GOLGA7: variants seen among roughly 807,000 people sequenced by gnomAD.
GOLGA7 encodes the protein golgin subfamily A member 7.
GOLGA7 carries 10 observed loss-of-function variants against 21.1 expected under a neutral mutation model. The observed-to-expected ratio is 0.47, with a 90% CI of 0.29 to 0.80. The LOEUF is 0.80. Among genes scored for constraint, GOLGA7 ranks in the 30% least tolerant of loss-of-function variants. GOLGA7 has a pLI of 0.08. For synonymous variants in GOLGA7, 64 were observed against 62.6 expected (o/e 1.02, Z -0.10); for missense variants, 114 against 166.8 (o/e 0.68, Z 1.74).
chr8:41,490,635 C>G lies in GOLGA7; in HGVS notation c.-220C>G. 9.3e-6 allele frequency: 5 copies of G among 535,424 alleles called. No homozygotes were observed. Among genetic ancestry groups the G allele is most frequent in the Non-Finnish European group, 1.6e-5 (5 of 303,250 alleles). The allele number at this position is 535,424 out of a possible 1,614,324, so 33.2% of individuals were successfully genotyped here. On this transcript the variant is annotated 5_prime_UTR_variant, in exon 1 of 5. Transcript: ENST00000357743. The stretch of plus-strand genomic sequence containing the variant: ...GGAGGCGGGTTTGTGTTTCCCGGGC[C>G]GAACCGGGTTGTGGGGGGCGCGGGG...
chr8:41,490,495 G>C (rs908832950), upstream of GOLGA7: 2 of 226,776 alleles, frequency 8.8e-6, no homozygotes, highest in African/African-American at 4.7e-5. Flanking sequence ...ACGGCCGGAG[G>C]AGAGGGTGGG....
chr8:41,491,166 G>A (rs1805873974), intron 1 of GOLGA7, among the ~76,000 whole-genome samples: 1 of 152,168 alleles, frequency 6.6e-6, no homozygotes, highest in African/African-American at 2.4e-5. Context: ...AATATAGGCC[G>A]ATCGCCGGGG....
intron 1 of GOLGA7, among the ~76,000 whole-genome samples, chr8:41,491,264 C>T (rs1212819468): frequency 1.3e-5 from 2 of 152,158 alleles, no homozygotes; most frequent in Non-Finnish European, 2.9e-5. Context: ...ATCCCCACCC[C>T]GGGTTATTGT....
At chr8:41,491,644 A>T (rs1163478434) in intron 1 of GOLGA7, among the ~76,000 whole-genome samples, 1 of 149,544 alleles carries the variant, frequency 6.7e-6, no homozygotes, top group Non-Finnish European at 1.5e-5. Flanking sequence ...GAAGAATGGG[A>T]TTTGCTTCCC....
At position 41,504,313 on chromosome 8, in the gene GOLGA7, A is replaced by G. The variant is rs1005304047; in HGVS notation, c.265-1598A>G. Among the ~76,000 whole-genome samples, 7 of 152,184 alleles carry G rather than the reference A, an allele frequency of 4.6e-5. No individual in the cohort carries two copies. In the South Asian group the frequency reaches 1.2e-3, roughly 27 times the overall value. ...AGGCATTTTTCTGAGTGTCTTCCCT[A>G]GTATTACTGGACTGGAGTGAAGGGA... On this transcript the variant is annotated intron_variant, in intron 2 of 4. Transcript: ENST00000357743.
At position 41,499,599 on chromosome 8, in the gene GOLGA7, C is replaced by T. The variant is rs145237018; in HGVS notation, c.264+1938C>T. Among the ~76,000 whole-genome samples the T allele has an allele frequency of 2.1e-3, 321 of 152,292 alleles. 2 individuals are homozygous for T. The highest frequency in any genetic ancestry group is 7.3e-3 in the African/African-American group (304 of 41,564). The stretch of plus-strand genomic sequence containing the variant: ...CTGATTCTGCCAATTGATGGCCTAC[C>T]GGTGTGCCAGTGTGCTCCTACGCCA... On this transcript the variant is annotated intron_variant, in intron 2 of 4. Transcript: ENST00000357743.
At chr8:41,503,494 A>G (rs1218811592) in intron 2 of GOLGA7, among the ~76,000 whole-genome samples, 5 of 90,924 alleles carry the variant, frequency 5.5e-5, no homozygotes, top group South Asian at 8.8e-4. Flanking sequence ...GCCCACGCCT[A>G]TGTCCTGAAT....
At chr8:41,501,677 T>C (rs976627991) in intron 2 of GOLGA7, among the ~76,000 whole-genome samples, 1 of 152,240 alleles carries the variant, frequency 6.6e-6, no homozygotes, top group African/African-American at 2.4e-5. Context: ...GCTACAGGCA[T>C]GAGCCACTGT....
At chr8:41,506,670 CT>C (rs1563420947) in intron 3 of GOLGA7, among the ~76,000 whole-genome samples, 1 of 152,080 alleles carries the variant, frequency 6.6e-6, no homozygotes, top group Non-Finnish European at 1.5e-5. Flanking sequence ...AGTTCTTAAA[CT>C]TTCAGGGGTC....
chr8:41,506,868 G>A (rs772860797), intron 3 of GOLGA7, among the ~76,000 whole-genome samples, 191 bp from the exon 4 acceptor site: 3 of 152,130 alleles, frequency 2.0e-5, no homozygotes, highest in Non-Finnish European at 4.4e-5. Context: ...ACTACATGTG[G>A]ACTACTATAA....
Position 41,505,946 on chromosome 8 carries a change from G to A in GOLGA7, c.300G>A (p.Gln100=). The A allele has an allele frequency of 1.2e-6, 2 of 1,600,700 alleles. No individual in the cohort carries two copies. Among genetic ancestry groups the A allele is most frequent in the Non-Finnish European group, 1.7e-6 (2 of 1,170,190 alleles). Residue 100 remains glutamine, a synonymous_variant, in exon 3 of 5, where the codon CAG becomes CAA. Coordinates refer to ENST00000357743, the MANE Select transcript of GOLGA7 (RefSeq NM_001002296.2). ...LKKVSKYIQE[Q]NEKIYAPQGL... ...AAGTCTCCAAATACATTCAAGAGCAGAATGAGAAGATCTATGCTCCACAAG... is the reference window on the plus strand; with the variant it reads ...AAGTCTCCAAATACATTCAAGAGCAAAATGAGAAGATCTATGCTCCACAAG...
At chr8:41,506,887 C>T (rs532530574) in intron 3 of GOLGA7, among the ~76,000 whole-genome samples, 172 bp from the exon 4 acceptor site, 1 of 152,258 alleles carries the variant, frequency 6.6e-6, no homozygotes, top group Admixed American at 6.5e-5. Context: ...AATTACATTT[C>T]TTAAAATTTT....
chr8:41,495,391 C>T (rs1030156628), intron 1 of GOLGA7, among the ~76,000 whole-genome samples: 1 of 151,340 alleles, frequency 6.6e-6, no homozygotes, highest in African/African-American at 2.4e-5. Context: ...CTCCAGCAAT[C>T]CTCCCACCTC....
chr8:41,509,077 G>A (rs1269642440), intron 4 of GOLGA7, among the ~76,000 whole-genome samples: 1 of 152,104 alleles, frequency 6.6e-6, no homozygotes, highest in Non-Finnish European at 1.5e-5. Context: ...ATTGTTACAT[G>A]CACTGGTGTT....
intron 2 of GOLGA7, among the ~76,000 whole-genome samples, chr8:41,503,126 T>C (rs1806189640): frequency 6.6e-6 from 1 of 152,182 alleles, no homozygotes; most frequent in Non-Finnish European, 1.5e-5. Flanking sequence ...TAAGAATATT[T>C]AGAGCTTATA....
In GOLGA7 at chr8:41,498,573, C is replaced by T. The variant is rs368323884; in HGVS notation, c.264+912C>T. Among the ~76,000 whole-genome samples, 6 of 152,206 alleles carry T rather than the reference C, an allele frequency of 3.9e-5. No individual in the cohort carries two copies. The East Asian group carries it at 5.8e-4, about 15-fold the overall frequency. On this transcript the variant is annotated intron_variant, in intron 2 of 4. Transcript: ENST00000357743. Reference sequence around the variant, plus strand: ...GAATGCTATCTTCCCAGGTTCAAATCCCACCAGTCCCTTAGGTCTCACTTC... The same window carrying T: ...GAATGCTATCTTCCCAGGTTCAAATTCCACCAGTCCCTTAGGTCTCACTTC...
intron 4 of GOLGA7, 32 bp downstream of exon 4, chr8:41,507,153 C>T (rs570184755): frequency 8.4e-6 from 7 of 829,002 alleles, no homozygotes; most frequent in Non-Finnish European, 1.5e-5. Flanking sequence ...TTGTATGCAG[C>T]TTTTGCAAGT....
At chr8:41,497,321 G>A (rs1806042955) in intron 1 of GOLGA7, among the ~76,000 whole-genome samples, 188 bp from the exon 2 acceptor site, 1 of 151,942 alleles carries the variant, frequency 6.6e-6, no homozygotes, top group East Asian at 1.9e-4. Flanking sequence ...GAGCCTTGAA[G>A]CTATCCAGTA....
chr8:41,490,959 G>A lies in GOLGA7; in HGVS notation c.105G>A (p.Glu35=), dbSNP rs1273282120. Residue 35 remains glutamate (E), a synonymous_variant, in exon 1 of 5, where the codon GAG becomes GAA. Transcript: ENST00000357743. ...AGACCAAGTTCCCTGCGGAGCTGGA[G>A]AACCGGGTACGCAACCTGGCTCCCC... ...QFQTKFPAEL[E]NRIDRQQFEE... 1.9e-6 allele frequency: 3 copies of A among 1,548,774 alleles called. No individual in the cohort carries two copies. Among genetic ancestry groups the A allele is most frequent in the South Asian group, 2.3e-5 (2 of 86,042 alleles).
Sources: gnomAD v4.1 joint callset for allele counts (sites outside exome capture counted in the v4.1 genomes callset) on GRCh38, gnomAD v4.1.1 for gene constraint, MANE v1.5 for transcripts, NCBI Gene and HGNC (gene_info 2026-07-23, HGNC 2026-07-21) for gene names.